Variants in BCAS3 observed in about 807,000 individuals in gnomAD.
The protein encoded by BCAS3 is BCAS4/BCAS3 fusion.
BCAS3 carries 53 observed loss-of-function variants against 116.1 expected under a neutral mutation model. The observed-to-expected ratio is 0.46, with a 90% CI of 0.37 to 0.57. The LOEUF (loss-of-function observed/expected upper bound fraction) is 0.57. Among genes scored for constraint, BCAS3 ranks in the 20% least tolerant of loss-of-function variants. The pLI is 0.00. For synonymous variants in BCAS3, 391 were observed against 408.2 expected (o/e 0.96, Z 0.51); for missense variants, 917 against 1,165.4 (o/e 0.79, Z 3.10).
At position 61,056,285 on chromosome 17, in the gene BCAS3, C is replaced by T. The variant is rs879814497; in HGVS notation, c.2029+15393C>T. Among the ~76,000 whole-genome samples the T allele has an allele frequency of 8.5e-5, 13 of 152,098 alleles. No individual in the cohort carries two copies. The highest frequency in any genetic ancestry group is 1.3e-4 in the Non-Finnish European group (9 of 68,026). Reference sequence around the variant, plus strand: ...TGGTGTCAACTGAAGGACAGCCTTCCGCGAGTTGGAGTCTTGACCACCAGT... The same window carrying T: ...TGGTGTCAACTGAAGGACAGCCTTCTGCGAGTTGGAGTCTTGACCACCAGT... On this transcript the variant is annotated intron_variant, in intron 19 of 23. Transcript: ENST00000407086. The surrounding 1 kb of genome is among the most constrained non-coding windows in gnomAD (Gnocchi z 4.9).
Position 61,203,950 on chromosome 17 carries a change from C to CT in BCAS3, c.2425+119387dup, listed in dbSNP as rs2080982276. Reference sequence around the variant, plus strand: ...GAGATCATTCAAAATGGGGTTCAAGCTGGGAGGCAGTGCCCGGCCCCCTTC... The same window carrying CT: ...GAGATCATTCAAAATGGGGTTCAAGCTTGGGAGGCAGTGCCCGGCCCCCTTC... On this transcript the variant is annotated intron_variant, in intron 22 of 23. Transcript: ENST00000407086. The surrounding 1 kb of genome is among the most constrained non-coding windows in gnomAD (Gnocchi z 5.7). Among the ~76,000 whole-genome samples the CT allele has an allele frequency of 6.6e-6, 1 of 152,208 alleles. No individual in the cohort carries two copies. The highest frequency in any genetic ancestry group is 2.4e-5 in the African/African-American group (1 of 41,450).
At position 60,874,687 on chromosome 17, in the gene BCAS3, A is replaced by G; in HGVS notation, c.610A>G (p.Lys204Glu). Residue 204 changes from lysine to glutamate, a missense_variant, in exon 9 of 24, where the codon AAA becomes GAA. Physicochemically the swap from Lys to Glu is moderately conservative, Grantham distance 56. Coordinates refer to ENST00000407086, the MANE Select transcript of BCAS3 (RefSeq NM_017679.5). The part of the protein sequence containing the change: ...KRILVVVLQE[K>E]IAAFDSCTFT... ...GATCCTTGTCGTAGTCTTGCAGGAG[A>G]AAATTGCTGCCTTTGATAGCTGTAC... 1 of 1,611,130 alleles carries G rather than the reference A, an allele frequency of 6.2e-7. No homozygotes were observed. Among genetic ancestry groups the G allele is most frequent in the Non-Finnish European group, 8.5e-7 (1 of 1,178,712 alleles).
chr17:60,907,492 A>G (rs1360463555), intron 11 of BCAS3, among the ~76,000 whole-genome samples: 1 of 152,220 alleles, frequency 6.6e-6, no homozygotes, highest in African/African-American at 2.4e-5. Context: ...GGGAAAGGTT[A>G]AAGATGACTA....
In BCAS3 at chr17:61,182,083, C is replaced by A. The variant is rs372124266; in HGVS notation, c.2425+97519C>A. Among the ~76,000 whole-genome samples the A allele has an allele frequency of 1.2e-4, 18 of 152,144 alleles. No individual in the cohort carries two copies. In the East Asian group the frequency reaches 3.5e-3, roughly 29 times the overall value. ...TGAGATGAGGTCCTACTGTTTTGCC[C>A]TGTTGGTCTCAAACTCCTGGCCTCA... On this transcript the variant is annotated intron_variant, in intron 22 of 23. Coordinates refer to ENST00000407086, the MANE Select transcript of BCAS3 (RefSeq NM_017679.5).
intron 14 of BCAS3, among the ~76,000 whole-genome samples, chr17:60,951,461 C>G (rs2060826922): frequency 6.6e-6 from 1 of 152,080 alleles, no homozygotes; most frequent in Non-Finnish European, 1.5e-5. Context: ...TTACCTGACC[C>G]ATTAACCTCT....
At position 61,276,903 on chromosome 17, in the gene BCAS3, T is replaced by A. The variant is rs2050802665; in HGVS notation, c.2426-91424T>A. Reference sequence around the variant, plus strand: ...TGAAAGTCCAAAAATAACCCTCACATTTACAGTCAATTGAATTTTAAACAT... The same window carrying A: ...TGAAAGTCCAAAAATAACCCTCACAATTACAGTCAATTGAATTTTAAACAT... On this transcript the variant is annotated intron_variant, in intron 22 of 23. Transcript: ENST00000407086. The surrounding 1 kb of genome is among the most constrained non-coding windows in gnomAD (Gnocchi z 4.2). Among the ~76,000 whole-genome samples the A allele has an allele frequency of 6.6e-6, 1 of 152,144 alleles. No individual in the cohort carries two copies. Among genetic ancestry groups the A allele is most frequent in the South Asian group, 2.1e-4 (1 of 4,832 alleles).
intron 22 of BCAS3, among the ~76,000 whole-genome samples, chr17:61,269,758 T>C (rs1294033431): frequency 6.6e-6 from 1 of 152,180 alleles, no homozygotes; most frequent in East Asian, 1.9e-4. Context: ...GCAGTTATTC[T>C]TGGATTAATG....
intron 19 of BCAS3, among the ~76,000 whole-genome samples, chr17:61,062,511 T>TTA (rs377708932): frequency 8.5e-5 from 13 of 152,352 alleles, no homozygotes; most frequent in African/African-American, 2.9e-4. Flanking sequence ...GGTGATTTAA[T>TTA]GTACATACAG....
rs991516356 is a variant in BCAS3, at chr17:61,140,455, C to G, written c.2425+55891C>G. Among the ~76,000 whole-genome samples, 7 of 152,298 alleles carry G rather than the reference C, an allele frequency of 4.6e-5. No homozygotes were observed. The highest frequency in any genetic ancestry group is 1.7e-4 in the African/African-American group (7 of 41,570). On this transcript the variant is annotated intron_variant, in intron 22 of 23. Transcript: ENST00000407086. The surrounding 1 kb of genome is among the most constrained non-coding windows in gnomAD (Gnocchi z 4.2). The stretch of plus-strand genomic sequence containing the variant: ...AGGTTTTGAGTTGGGGAAAAGTATT[C>G]TGGCAGCAGGATTGAAACATTAAAG...
At chr17:60,965,370 C>G (rs375719095) in intron 14 of BCAS3, among the ~76,000 whole-genome samples, 1 of 151,586 alleles carries the variant, frequency 6.6e-6, no homozygotes, top group African/African-American at 2.4e-5. Flanking sequence ...TATAGGCGCC[C>G]GCCACCACAC....
intron 18 of BCAS3, among the ~76,000 whole-genome samples, chr17:61,038,892 C>T (rs1170107020): frequency 6.6e-6 from 1 of 151,804 alleles, no homozygotes; most frequent in Admixed American, 6.6e-5. Flanking sequence ...TACTCTTGAC[C>T]TCAGGTGATC....
rs1368776246 is a variant in BCAS3 at position 61,128,869 on chromosome 17, A to G, written c.2425+44305A>G. Reference sequence around the variant, plus strand: ...ATGGTTAGCACAGAAAATTTAAATCAGTTCCCCAAAATTTGGTAACCATTA... The same window carrying G: ...ATGGTTAGCACAGAAAATTTAAATCGGTTCCCCAAAATTTGGTAACCATTA... On this transcript the variant is annotated intron_variant, in intron 22 of 23. Coordinates refer to ENST00000407086, the MANE Select transcript of BCAS3 (RefSeq NM_017679.5). The surrounding 1 kb of genome is among the most constrained non-coding windows in gnomAD (Gnocchi z 4.1). Among the ~76,000 whole-genome samples the G allele has an allele frequency of 1.3e-5, 2 of 152,224 alleles. No homozygotes were observed. Among genetic ancestry groups the G allele is most frequent in the African/African-American group, 2.4e-5 (1 of 41,468 alleles).
At chr17:61,167,315 A>G (rs1003034713) in intron 22 of BCAS3, among the ~76,000 whole-genome samples, 2 of 152,246 alleles carry the variant, frequency 1.3e-5, no homozygotes, top group South Asian at 4.1e-4. Context: ...TAAAGTCCTT[A>G]TCTAGTCCCA....
chr17:61,250,188 C>T (rs2048267285), intron 22 of BCAS3, among the ~76,000 whole-genome samples: 1 of 152,116 alleles, frequency 6.6e-6, no homozygotes, highest in African/African-American at 2.4e-5. Context: ...CATAAGACCT[C>T]AGTGTTCCTA....
At chr17:61,000,112 C>A (rs1000662098) in intron 15 of BCAS3, among the ~76,000 whole-genome samples, 1 of 151,930 alleles carries the variant, frequency 6.6e-6, no homozygotes, top group African/African-American at 2.4e-5. Flanking sequence ...CCATTTAATG[C>A]CTTTTATTTA....
intron 22 of BCAS3, among the ~76,000 whole-genome samples, chr17:61,150,866 C>T (rs1025442037): frequency 2.0e-5 from 3 of 152,216 alleles, no homozygotes; most frequent in Admixed American, 6.5e-5. Context: ...TTTCGTTTCT[C>T]ACTTACTGAA....
intron 22 of BCAS3, among the ~76,000 whole-genome samples, chr17:61,147,596 C>T (rs913948455): frequency 1.3e-5 from 2 of 152,208 alleles, no homozygotes; most frequent in Non-Finnish European, 2.9e-5. Flanking sequence ...TATAACTCAC[C>T]TGCTTCCTTG....
At chr17:60,938,448 C>G (rs564359713) in intron 13 of BCAS3, among the ~76,000 whole-genome samples, 1 of 152,184 alleles carries the variant, frequency 6.6e-6, no homozygotes, top group South Asian at 2.1e-4. Flanking sequence ...GCTAGAACAA[C>G]TGCGGTATCT....
chr17:60,781,414 C>T (rs923997000), intron 6 of BCAS3, among the ~76,000 whole-genome samples: 3 of 151,744 alleles, frequency 2.0e-5, no homozygotes, highest in South Asian at 2.1e-4. Flanking sequence ...GCCTGGCCAA[C>T]GTGGTGAAAC....
Sources: gnomAD v4.1 joint callset for allele counts (sites outside exome capture counted in the v4.1 genomes callset) on GRCh38, gnomAD v4.1.1 for gene constraint, Gnocchi (gnomAD v3.1) non-coding constraint, MANE v1.5 for transcripts, NCBI Gene and HGNC (gene_info 2026-07-23, HGNC 2026-07-21) for gene names.